Variants in PTPRG observed in about 807,000 individuals in gnomAD.
The protein encoded by PTPRG is receptor-type tyrosine-protein phosphatase gamma.
Under a neutral mutation model 165.3 loss-of-function variants are expected in PTPRG, and 102 were observed. That is an observed-to-expected ratio of 0.62 (90% CI 0.53 to 0.73). PTPRG has a LOEUF of 0.73. PTPRG is among the 30% of genes least tolerant of loss of function. PTPRG has a pLI of 0.00. For missense variants in PTPRG, 1,866 were observed against 1,861.4 expected (o/e 1.00, Z -0.05); for synonymous variants, 675 against 669.5 (o/e 1.01, Z -0.13).
intron 1 of PTPRG, among the ~76,000 whole-genome samples, chr3:61,711,568 T>C (rs1559568763): frequency 6.6e-6 from 1 of 152,246 alleles, no homozygotes; most frequent in East Asian, 1.9e-4. Flanking sequence ...AAATGTCTTC[T>C]TTTGAGAAGT....
At chr3:62,274,820 CAG>C (rs1702181267) in intron 23 of PTPRG, among the ~76,000 whole-genome samples, 1 of 152,128 alleles carries the variant, frequency 6.6e-6, no homozygotes, top group African/African-American at 2.4e-5. Flanking sequence ...AATGAGGACA[CAG>C]TGTATCATTT....
chr3:62,033,530 T>TCCCCCCCCC (rs147045221), intron 4 of PTPRG, among the ~76,000 whole-genome samples: 9 of 134,102 alleles, frequency 6.7e-5, no homozygotes, highest in South Asian at 2.6e-4. Flanking sequence ...ATGCCTATCT[T>TCCCCCCCCC]CCCCCCCCCA....
chr3:61,578,887 G>A (rs1456212128), intron 1 of PTPRG, among the ~76,000 whole-genome samples: 1 of 152,220 alleles, frequency 6.6e-6, no homozygotes, highest in Non-Finnish European at 1.5e-5. Context: ...GTGGACACAT[G>A]CCCTTTGTTT....
Position 61,618,877 on chromosome 3 carries a change from C to T in PTPRG, c.85+56505C>T, listed in dbSNP as rs757585449. ...GTACCTTAGGCTGGGCTTGGTGGCT[C>T]GCGCCTGTAATCCCAGCACTTTGGG... On this transcript the variant is annotated intron_variant, in intron 1 of 29. Coordinates refer to ENST00000474889, the MANE Select transcript of PTPRG (RefSeq NM_002841.4). 3.3e-5 allele frequency among the ~76,000 whole-genome samples: 5 copies of T among 149,962 alleles called. No individual in the cohort carries two copies. In the South Asian group the frequency reaches 6.3e-4, roughly 19 times the overall value.
chr3:61,869,584 T>C (rs675438), intron 2 of PTPRG, among the ~76,000 whole-genome samples: 44,433 of 143,800 alleles, frequency 0.31, 8,151 homozygotes, highest in African/African-American at 0.53. Context: ...CTCCCCTCCC[T>C]TCACCTCTTT....
chr3:61,853,978 A>T (rs1313762405), intron 2 of PTPRG, among the ~76,000 whole-genome samples: 1 of 152,178 alleles, frequency 6.6e-6, no homozygotes, highest in African/African-American at 2.4e-5. Flanking sequence ...AAATGGCCAC[A>T]TCAAAGTCCT....
Position 62,296,219 on chromosome 3 carries a change from G to A in PTPRG, c.*2912G>A, listed in dbSNP as rs1178344699. On this transcript the variant is annotated 3_prime_UTR_variant, in exon 30 of 30. Coordinates refer to ENST00000474889, the MANE Select transcript of PTPRG (RefSeq NM_002841.4). ...CTGAATTTCAAAAAGAGTAAGATTA[G>A]CTAATTGGTCTTCCTAATTTTTATG... The A allele has an allele frequency of 6.6e-6, 1 of 151,918 alleles. No homozygotes were observed. The highest frequency in any genetic ancestry group is 1.5e-5 in the Non-Finnish European group (1 of 67,954). 9.4% of individuals were successfully genotyped at this position (151,918 alleles called of 1,614,324 possible). A position where few individuals can be genotyped will look rare whatever the true frequency, so the allele number is the denominator to read the frequency against.
chr3:61,803,874 C>G (rs1235195527), intron 2 of PTPRG, among the ~76,000 whole-genome samples: 1 of 152,094 alleles, frequency 6.6e-6, no homozygotes, highest in Non-Finnish European at 1.5e-5. Flanking sequence ...TTTATACTTG[C>G]TCTAGGACAT....
intron 2 of PTPRG, among the ~76,000 whole-genome samples, chr3:61,796,943 A>AT (rs1467972556): frequency 2.0e-5 from 3 of 152,196 alleles, no homozygotes; most frequent in African/African-American, 7.2e-5. Flanking sequence ...TCATGAAACC[A>AT]TTGTGTTCAT....
At chr3:61,961,017 G>T (rs1051226893) in intron 2 of PTPRG, among the ~76,000 whole-genome samples, 1 of 152,056 alleles carries the variant, frequency 6.6e-6, no homozygotes, top group Non-Finnish European at 1.5e-5. Context: ...TCTTAGCAGG[G>T]ATCTAGTAAG....
At chr3:61,906,548 T>A (rs2038662122) in intron 2 of PTPRG, among the ~76,000 whole-genome samples, 1 of 151,962 alleles carries the variant, frequency 6.6e-6, no homozygotes, top group Non-Finnish European at 1.5e-5. Context: ...GGTAGGAGGA[T>A]CACTTTAGCC....
At chr3:62,119,586 T>C (rs1702986478) in intron 5 of PTPRG, among the ~76,000 whole-genome samples, 4 of 152,106 alleles carry the variant, frequency 2.6e-5, no homozygotes, top group Admixed American at 2.6e-4. Context: ...TACGCTGGCA[T>C]GGGTTGTGAT....
chr3:62,115,347 G>A (rs1189157212), intron 5 of PTPRG, among the ~76,000 whole-genome samples: 1 of 152,156 alleles, frequency 6.6e-6, no homozygotes, highest in African/African-American at 2.4e-5. Flanking sequence ...TTTAAAGAGT[G>A]TTTATCTTTG....
chr3:61,702,309 C>T (rs1163917276), intron 1 of PTPRG, among the ~76,000 whole-genome samples: 2 of 152,156 alleles, frequency 1.3e-5, no homozygotes, highest in East Asian at 1.9e-4. Flanking sequence ...TTTGATGCAT[C>T]CTGCTAAGAC....
intron 8 of PTPRG, among the ~76,000 whole-genome samples, chr3:62,186,347 C>T (rs548539336): frequency 2.6e-5 from 4 of 152,134 alleles, no homozygotes; most frequent in African/African-American, 4.8e-5. Flanking sequence ...CAGAGAAACG[C>T]GAGCCCCTGC....
At chr3:62,056,662 G>T (rs1700645680) in intron 4 of PTPRG, among the ~76,000 whole-genome samples, 1 of 152,280 alleles carries the variant, frequency 6.6e-6, no homozygotes, top group Admixed American at 6.5e-5. Flanking sequence ...TGGCACCCCT[G>T]ACACAGTTGT....
At chr3:61,768,454 G>T (rs989836468) in intron 2 of PTPRG, among the ~76,000 whole-genome samples, 2 of 152,198 alleles carry the variant, frequency 1.3e-5, no homozygotes, top group Non-Finnish European at 2.9e-5. Context: ...CTCTTTGCCA[G>T]CCTCAGTACT....
intron 3 of PTPRG, among the ~76,000 whole-genome samples, chr3:61,995,084 C>CTTTTTT (rs761499179): frequency 1.0e-3 from 36 of 35,402 alleles, no homozygotes; most frequent in African/African-American, 2.3e-3. Context: ...TTCTTTCTTT[C>CTTTTTT]TTTTTTTTTT....
At chr3:61,671,046 C>T (rs1702965833) in intron 1 of PTPRG, among the ~76,000 whole-genome samples, 1 of 151,120 alleles carries the variant, frequency 6.6e-6, no homozygotes, top group Admixed American at 6.6e-5. Context: ...TCACAGAGTC[C>T]AGGAGATGGG....
Sources: gnomAD v4.1 joint callset for allele counts (sites outside exome capture counted in the v4.1 genomes callset) on GRCh38, gnomAD v4.1.1 for gene constraint, MANE v1.5 for transcripts, NCBI Gene and HGNC (gene_info 2026-07-23, HGNC 2026-07-21) for gene names.